OPTN: variants seen among roughly 807,000 people sequenced by gnomAD.
The protein encoded by OPTN is optineurin.
In OPTN, 54 loss-of-function variants were observed where a neutral mutation model predicts 70.4. The ratio of observed to expected loss-of-function variants is 0.77; its 90% CI spans 0.62 to 0.96. The LOEUF (loss-of-function observed/expected upper bound fraction) is 0.96. Ranked by LOEUF, OPTN falls within the 40% of genes least tolerant of loss-of-function variation. OPTN has a pLI of 0.00. For synonymous variants in OPTN, 256 were observed against 248.5 expected (o/e 1.03, Z -0.28); for missense variants, 624 against 673.2 (o/e 0.93, Z 0.81).
At chr10:13,103,682 A>G (rs540831597) in intron 1 of OPTN, among the ~76,000 whole-genome samples, 7 of 152,268 alleles carry the variant, frequency 4.6e-5, no homozygotes, top group African/African-American at 1.4e-4. Flanking sequence ...CGTGTTTACA[A>G]GGTCAGGTCA....
chr10:13,127,900 T>C lies in OPTN; in HGVS notation c.1398T>C (p.Ala466=). 1 of 1,614,066 alleles carries C rather than the reference T, an allele frequency of 6.2e-7. No homozygotes were observed. The highest frequency in any genetic ancestry group is 1.1e-5 in the South Asian group (1 of 91,074). ...EDLETMTILR[A]QMEVYCSDFH... ...TGGAAACCATGACCATCCTCAGGGC[T>C]CAGGTGAGGCACCTTCCAAAACCCC... Residue 466 remains alanine (A), a synonymous_variant, in exon 12 of 15, where the codon GCT becomes GCC. Transcript: ENST00000378747.
intron 12 of OPTN, among the ~76,000 whole-genome samples, chr10:13,131,071 C>T (rs1171378217): frequency 6.6e-6 from 1 of 152,050 alleles, no homozygotes; most frequent in African/African-American, 2.4e-5. Context: ...AAGTGCATGC[C>T]ATCATGCCCA....
At chr10:13,104,863 G>A (rs1285311742) in intron 1 of OPTN, 3 of 340,614 alleles carry the variant, frequency 8.8e-6, no homozygotes, top group Non-Finnish European at 1.1e-5. Flanking sequence ...GGACAGCATG[G>A]GGGTGACCAG....
chr10:13,124,086 T>C lies in OPTN; in HGVS notation c.974T>C (p.Leu325Pro). 1 of 1,611,106 alleles carries C rather than the reference T, an allele frequency of 6.2e-7. No individual in the cohort carries two copies. The highest frequency in any genetic ancestry group is 8.5e-7 in the Non-Finnish European group (1 of 1,177,658). Reference sequence around the variant, plus strand: ...CATACAAAACTCAGCGAAGCTGAGCTAATGAAGAAGAGACTTCAAGAAAAG... The same window carrying C: ...CATACAAAACTCAGCGAAGCTGAGCCAATGAAGAAGAGACTTCAAGAAAAG... The part of the protein sequence containing the change: ...EAHTKLSEAE[L>P]MKKRLQEKCQ... The change falls in exon 9 of 15, where the codon CTA becomes CCA. Residue 325 changes from leucine (L) to proline (P), a missense_variant. Physicochemically the swap from Leu to Pro is moderately conservative, Grantham distance 98. Transcript: ENST00000378747.
chr10:13,117,182 G>T (rs1480081887), intron 6 of OPTN, among the ~76,000 whole-genome samples: 2 of 145,854 alleles, frequency 1.4e-5, no homozygotes, highest in East Asian at 4.1e-4. Context: ...CCGGGTTCAC[G>T]CCATTCTCCT....
intron 13 of OPTN, among the ~76,000 whole-genome samples, chr10:13,133,208 G>A (rs144984770): frequency 6.6e-6 from 1 of 152,238 alleles, no homozygotes; most frequent in African/African-American, 2.4e-5. Context: ...ATGTGCGGAT[G>A]TAATTTATTA....
chr10:13,115,492 TTATATAATATAGAATA>T (rs1326352618), intron 5 of OPTN, among the ~76,000 whole-genome samples: 2 of 96,582 alleles, frequency 2.1e-5, no homozygotes, highest in African/African-American at 6.3e-5. Flanking sequence ...ATATTCTATA[TTATATAATATAGAATA>T]TATATAATAT....
chr10:13,103,441 A>C (rs761936099), intron 1 of OPTN, among the ~76,000 whole-genome samples: 1 of 152,214 alleles, frequency 6.6e-6, no homozygotes, highest in Admixed American at 6.5e-5. Context: ...ACTGGGGGGA[A>C]GTCAGTGTAA....
At position 13,110,452 on chromosome 10, in the gene OPTN, A is replaced by T. The variant is rs1306575803; in HGVS notation, c.345A>T (p.Lys115Asn). 1 of 1,613,910 alleles carries T rather than the reference A, an allele frequency of 6.2e-7. No individual in the cohort carries two copies. Among genetic ancestry groups the T allele is most frequent in the South Asian group, 1.1e-5 (1 of 91,068 alleles). ...TGAAGGAAGAGCTTGGAAAACTAAAAGGGAAATCAGAAAGGTCATCTGAGG... is the reference window on the plus strand; with the variant it reads ...TGAAGGAAGAGCTTGGAAAACTAAATGGGAAATCAGAAAGGTCATCTGAGG... ...EKLKEELGKL[K>N]GKSERSSEDP... The change falls in exon 4 of 15, where the codon AAA becomes AAT. Residue 115 changes from lysine to asparagine, a missense_variant. Lys to Asn is a moderately conservative substitution (Grantham distance 94). Transcript: ENST00000378747.
intron 5 of OPTN, 91 bp downstream of exon 5, chr10:13,112,726 G>T: frequency 7.8e-7 from 1 of 1,287,512 alleles, no homozygotes; most frequent in Non-Finnish European, 1.1e-6. Context: ...GTCAACACAA[G>T]CCAAGGATTG....
At chr10:13,113,232 G>A (rs559782549) in intron 5 of OPTN, among the ~76,000 whole-genome samples, 1 of 152,210 alleles carries the variant, frequency 6.6e-6, no homozygotes, top group African/African-American at 2.4e-5. Context: ...TGCCATGTTG[G>A]CCAGGCTAGT....
At chr10:13,110,134 CT>C in intron 3 of OPTN, 139 bp from the exon 4 acceptor site, 1 of 1,480,424 alleles carries the variant, frequency 6.8e-7, no homozygotes, top group South Asian at 1.3e-5. Context: ...CGTCTTTTTG[CT>C]GCTGACCCTT....
intron 7 of OPTN, among the ~76,000 whole-genome samples, 178 bp from the exon 8 acceptor site, chr10:13,122,207 G>A (rs937082366): frequency 2.6e-5 from 4 of 152,144 alleles, no homozygotes; most frequent in Non-Finnish European, 5.9e-5. Context: ...ATCAATTCTA[G>A]CCAATTTTAG....
At position 13,112,522 on chromosome 10, in the gene OPTN, G is replaced by GT; in HGVS notation, c.440dup (p.Val148GlyfsTer16). ...GGAAAAGGACCAGCTCAGGACCCAG[G>GT]TGGTGAGGCTACAAGCAGAGAAGGC... On this transcript the variant is annotated frameshift_variant, in exon 5 of 15. Coordinates refer to ENST00000378747, the MANE Select transcript of OPTN (RefSeq NM_001008212.2). LOFTEE classifies it high-confidence loss of function. 6.2e-7 allele frequency: 1 copy of GT among 1,614,096 alleles called. No individual in the cohort carries two copies. The highest frequency in any genetic ancestry group is 8.5e-7 in the Non-Finnish European group (1 of 1,180,022).
intron 1 of OPTN, among the ~76,000 whole-genome samples, chr10:13,106,301 A>C (rs1290368943): frequency 6.6e-6 from 1 of 152,364 alleles, no homozygotes; most frequent in East Asian, 1.9e-4. Context: ...GATTCTGGGT[A>C]CAAAAAAATG....
chr10:13,115,864 T>C (rs575407598), intron 5 of OPTN, among the ~76,000 whole-genome samples: 210 of 151,260 alleles, frequency 1.4e-3, no homozygotes, highest in Non-Finnish European at 2.3e-3. Flanking sequence ...TTTTTAACTT[T>C]ACCTCAGTGA....
Position 13,127,698 on chromosome 10 carries a change from G to A in OPTN, c.1243-47G>A, listed in dbSNP as rs1381155763. The A allele has an allele frequency of 3.8e-6, 6 of 1,589,232 alleles. No homozygotes were observed. In the East Asian group the frequency reaches 1.1e-4, roughly 30 times the overall value. On this transcript the variant is annotated intron_variant, in intron 11 of 14. Coordinates refer to ENST00000378747, the MANE Select transcript of OPTN (RefSeq NM_001008212.2). The stretch of plus-strand genomic sequence containing the variant: ...TTTTTCTAATATTTTACTAAAACAG[G>A]CAGAATTATTTCAAAACCATTTCTA...
intron 5 of OPTN, among the ~76,000 whole-genome samples, chr10:13,112,871 T>C (rs1833039462): frequency 6.6e-6 from 1 of 152,048 alleles, no homozygotes; most frequent in African/African-American, 2.4e-5. Flanking sequence ...TTTTTTTTTT[T>C]CTTCATCATG....
rs796553762 is a variant in OPTN at position 13,119,119 on chromosome 10, A to G, written c.779+79A>G. The G allele has an allele frequency of 1.1e-4, 137 of 1,285,662 alleles. 3 individuals are homozygous for G. The South Asian group carries it at 1.6e-3, about 15-fold the overall frequency. 79.6% of individuals were successfully genotyped at this position (1,285,662 alleles called of 1,614,324 possible). ...ATATAATTAAGATACCATACAGTTC[A>G]CCCATTTAAAGTATACATTTCAGTG... is the stretch of plus-strand genomic sequence containing the variant. On this transcript the variant is annotated intron_variant, in intron 7 of 14. Transcript: ENST00000378747.
Sources: allele counts gnomAD v4.1 joint callset (sites outside exome capture counted in the v4.1 genomes callset), GRCh38; gene constraint gnomAD v4.1.1; transcripts MANE v1.5; gene names NCBI Gene and HGNC (gene_info 2026-07-23, HGNC 2026-07-21).